CSF2RA: variants seen among roughly 807,000 people sequenced by gnomAD.
CSF2RA encodes the protein colony stimulating factor 2 receptor subunit alpha, also known as granulocyte-macrophage colony-stimulating factor receptor subunit alpha.
In CSF2RA, 42 loss-of-function variants were observed where a neutral mutation model predicts 51.6. That is an observed-to-expected ratio of 0.81 (90% CI 0.64 to 1.05). The LOEUF (loss-of-function observed/expected upper bound fraction) is 1.05, where lower values mean the gene tolerates loss of function less well. Ranked by LOEUF, CSF2RA falls within the 50% of genes least tolerant of loss-of-function variation. CSF2RA has a pLI of 0.00. For missense variants in CSF2RA, 530 were observed against 501.1 expected (o/e 1.06, Z -0.55); for synonymous variants, 222 against 193.0 (o/e 1.15, Z -1.24).
intron 9 of CSF2RA, among the ~76,000 whole-genome samples, chrX:1,296,411 C>T (rs1385703188): frequency 2.0e-5 from 1 of 49,580 alleles, no homozygotes; most frequent in Non-Finnish European, 4.2e-5. Flanking sequence ...TGGCAGAACC[C>T]TACAGTCCCC....
At chrX:1,285,753 T>A in intron 3 of CSF2RA, 25 bp from the exon 4 acceptor site, 3 of 1,525,458 alleles carry the variant, frequency 2.0e-6, no homozygotes, top group Non-Finnish European at 2.7e-6. Flanking sequence ...GAGGAAATTC[T>A]GAACCCAGTG....
intron 2 of CSF2RA, chrX:1,282,289 C>G (rs1335468984): frequency 8.8e-6 from 2 of 226,394 alleles, no homozygotes; most frequent in South Asian, 1.8e-4. Flanking sequence ...TCTTATTTCC[C>G]CAAATCCACT....
the CSF2RA span, among the ~76,000 whole-genome samples, chrX:1,319,537 C>T: frequency 6.7e-6 from 1 of 149,736 alleles, no homozygotes; most frequent in Non-Finnish European, 1.5e-5. Flanking sequence ...ATCCACCCTC[C>T]TCGGCCTCCC....
intron 9 of CSF2RA, among the ~76,000 whole-genome samples, chrX:1,297,601 A>C (rs368275008): frequency 0.2 from 845 of 4,214 alleles, 4 homozygotes; most frequent in East Asian, 0.24. Flanking sequence ...TGACCCCTGG[A>C]GGAACCCTAC....
intron 12 of CSF2RA, among the ~76,000 whole-genome samples, chrX:1,308,985 T>A (rs2083953159): frequency 6.6e-6 from 1 of 152,124 alleles, no homozygotes; most frequent in African/African-American, 2.4e-5. Flanking sequence ...CCCAGCACTT[T>A]GGGAGGCCGA....
At chrX:1,276,839 G>A (rs1311809862) in intron 2 of CSF2RA, among the ~76,000 whole-genome samples, 1 of 151,994 alleles carries the variant, frequency 6.6e-6, no homozygotes, top group African/African-American at 2.4e-5. Context: ...GGTGGCTCAC[G>A]CCTGCAATCC....
the CSF2RA span, among the ~76,000 whole-genome samples, chrX:1,320,563 T>A: frequency 6.7e-6 from 1 of 148,952 alleles, no homozygotes; most frequent in African/African-American, 2.5e-5. Flanking sequence ...CATGGCGTGG[T>A]CTTGGCTCAC....
chrX:1,314,921 CCAACCGCACTGCACT>C (rs2084484570), downstream of CSF2RA, among the ~76,000 whole-genome samples: 24 of 92,766 alleles, frequency 2.6e-4, 2 homozygotes, highest in Admixed American at 2.0e-3. Flanking sequence ...CTTCACCTGC[CCAACCGCACTGCACT>C]TGCCCAACCC....
At chrX:1,287,713 GCA>G in intron 4 of CSF2RA, among the ~76,000 whole-genome samples, 1 of 136,348 alleles carries the variant, frequency 7.3e-6, no homozygotes, top group South Asian at 2.4e-4. Flanking sequence ...CAGAGTGCTG[GCA>G]TTACAGGTGT....
At chrX:1,318,145 C>T in the CSF2RA span, among the ~76,000 whole-genome samples, 18 of 145,732 alleles carry the variant, frequency 1.2e-4, no homozygotes, top group African/African-American at 2.8e-4. Context: ...CCCGCCACCA[C>T]GCCCGGCTAA....
chrX:1,294,585 C>T (rs2091736440), intron 8 of CSF2RA, 124 bp downstream of exon 8: 1 of 1,282,424 alleles, frequency 7.8e-7, no homozygotes, highest in African/African-American at 1.5e-5. Flanking sequence ...AGCGGTGACT[C>T]TGGGGTGAAC....
downstream of CSF2RA, among the ~76,000 whole-genome samples, chrX:1,314,344 C>CACCT (rs1569514781): frequency 2.3e-5 from 3 of 130,748 alleles, no homozygotes; most frequent in South Asian, 2.4e-4. Context: ...AACCCCACTG[C>CACCT]GCCTGCCCAA....
the CSF2RA span, among the ~76,000 whole-genome samples, chrX:1,324,112 G>A: frequency 6.6e-6 from 1 of 151,970 alleles, no homozygotes; most frequent in Non-Finnish European, 1.5e-5. Context: ...TTGAGTCTGT[G>A]AGGTGGAGGT....
chrX:1,313,783 G>A (rs2084287051), downstream of CSF2RA, among the ~76,000 whole-genome samples: 1 of 151,986 alleles, frequency 6.6e-6, no homozygotes. Context: ...GAGGTCAGGA[G>A]TCCGAGACCA....
chrX:1,323,505 G>A, the CSF2RA span, among the ~76,000 whole-genome samples: 1 of 152,170 alleles, frequency 6.6e-6, no homozygotes, highest in Non-Finnish European at 1.5e-5. Context: ...ACATCTGGGT[G>A]GTGGCCACAA....
intron 12 of CSF2RA, chrX:1,305,817 A>C: frequency 3.9e-5 from 60 of 1,537,364 alleles, no homozygotes; most frequent in Non-Finnish European, 4.9e-5. Flanking sequence ...ACGGTGGCTC[A>C]TGCCTGTCAT....
rs1472645884 is a variant in CSF2RA, at chrX:1,285,917, C to G, written c.216C>G (p.Pro72=). Reference sequence around the variant, plus strand: ...ACAAGAAGAACAGAGTCGTGGAACCCAGGGTGAGACGAATTTCCCATTCTC... The same window carrying G: ...ACAAGAAGAACAGAGTCGTGGAACCGAGGGTGAGACGAATTTCCCATTCTC... ...LTDKKNRVVE[P]RLSNNECSCT... Residue 72 remains proline (P), a synonymous_variant, in exon 4 of 13, where the codon CCC becomes CCG. Coordinates refer to ENST00000381529, the MANE Select transcript of CSF2RA (RefSeq NM_172245.4). 3 of 1,613,800 alleles carry G rather than the reference C, an allele frequency of 1.9e-6. No homozygotes were observed. Among genetic ancestry groups the G allele is most frequent in the Non-Finnish European group, 8.5e-7 (1 of 1,179,830 alleles).
At chrX:1,291,142 G>A (rs1397263442) in intron 7 of CSF2RA, among the ~76,000 whole-genome samples, 4 of 151,894 alleles carry the variant, frequency 2.6e-5, no homozygotes, top group East Asian at 1.9e-4. Flanking sequence ...GGCTAGTCTC[G>A]AACTCCTGAC....
At chrX:1,317,091 T>C in the CSF2RA span, among the ~76,000 whole-genome samples, 14 of 138,286 alleles carry the variant, frequency 1.0e-4, no homozygotes, top group Admixed American at 3.0e-4. Context: ...GGACTACAGG[T>C]GCCCACCACC....
Sources: allele counts gnomAD v4.1 joint callset (sites outside exome capture counted in the v4.1 genomes callset), GRCh38; gene constraint gnomAD v4.1.1; transcripts MANE v1.5; gene names NCBI Gene and HGNC (gene_info 2026-07-23, HGNC 2026-07-21).